The following SWT1 variants were observed in gnomAD, a reference collection of about 807,000 sequenced individuals.
SWT1 encodes the protein transcriptional protein SWT1.
Under a neutral mutation model 107.3 loss-of-function variants are expected in SWT1, and 33 were observed. The ratio of observed to expected loss-of-function variants is 0.31; its 90% CI spans 0.23 to 0.41. The LOEUF is 0.41. Among genes scored for constraint, SWT1 ranks in the 10% least tolerant of loss-of-function variants. The pLI is 1.00. For missense variants in SWT1, 898 were observed against 1,028.9 expected, an observed-to-expected ratio of 0.87 and a Z score of 1.74; for synonymous variants, 345 against 348.3, an observed-to-expected ratio of 0.99 and a Z score of 0.11.
At chr1:185,190,434 C>A in intron 9 of SWT1, 115 bp from the exon 10 acceptor site, 1 of 627,674 alleles carries the variant, frequency 1.6e-6, no homozygotes, top group East Asian at 2.7e-5. Flanking sequence ...AGTATCATAC[C>A]TTAACTACCT....
intron 16 of SWT1, among the ~76,000 whole-genome samples, chr1:185,247,962 TA>T (rs1464272279): frequency 6.6e-6 from 1 of 152,212 alleles, no homozygotes; most frequent in Admixed American, 6.5e-5. Context: ...TTCCTTTTCC[TA>T]AATTAATAGT....
At chr1:185,184,392 ATATTT>A (rs779458486) in intron 8 of SWT1, 48 bp downstream of exon 8, 1 of 1,097,886 alleles carries the variant, frequency 9.1e-7, no homozygotes, top group Non-Finnish European at 1.3e-6. Context: ...CCTTGAGTTG[ATATTT>A]TATATTAACA....
chr1:185,259,148 C>T (rs907475828), intron 16 of SWT1, among the ~76,000 whole-genome samples: 1 of 151,942 alleles, frequency 6.6e-6, no homozygotes, highest in Non-Finnish European at 1.5e-5. Context: ...TTCTTTTCAC[C>T]CTTTTTACCT....
chr1:185,218,279 A>C (rs1268317079), intron 14 of SWT1, among the ~76,000 whole-genome samples: 1 of 152,192 alleles, frequency 6.6e-6, no homozygotes, highest in East Asian at 1.9e-4. Context: ...TGAGAAACTA[A>C]AATGGAGATA....
chr1:185,168,374 TA>T lies in SWT1; in HGVS notation c.205del (p.Arg69GlufsTer5). 2 of 1,385,766 alleles carry T rather than the reference TA, an allele frequency of 1.4e-6. No individual in the cohort carries two copies. The highest frequency in any genetic ancestry group is 2.6e-5 in the Admixed American group (1 of 37,802). 85.8% of individuals were successfully genotyped at this position (1,385,766 alleles called of 1,614,324 possible). On this transcript the variant is annotated frameshift_variant, in exon 4 of 19. Transcript: ENST00000367500. LOFTEE classifies it high-confidence loss of function. The part of the protein sequence containing the change: ...SDHTDVLYYN[I>X]KRRQGLKRLS... ...CATACAGATGTTCTGTACTATAATA[TA>T]AAAAGAAGACAAGGACTGAAAAGGT... is the stretch of plus-strand genomic sequence containing the variant.
chr1:185,200,829 G>A (rs1657809264), intron 10 of SWT1, among the ~76,000 whole-genome samples: 2 of 152,204 alleles, frequency 1.3e-5, no homozygotes, highest in Non-Finnish European at 2.9e-5. Context: ...GAACGTTTAA[G>A]TCTGCTGAAA....
At chr1:185,208,660 A>G (rs902929224) in intron 13 of SWT1, among the ~76,000 whole-genome samples, 18 of 152,172 alleles carry the variant, frequency 1.2e-4, no homozygotes, top group African/African-American at 4.1e-4. Context: ...AAGTAAGTCG[A>G]TAAATAAATA....
chr1:185,217,057 A>G (rs961287582), intron 14 of SWT1, among the ~76,000 whole-genome samples: 2 of 152,236 alleles, frequency 1.3e-5, no homozygotes, highest in African/African-American at 4.8e-5. Context: ...AGATTCATGA[A>G]GGCGAGTAGC....
At chr1:185,189,936 C>T (rs1656808482) in intron 9 of SWT1, among the ~76,000 whole-genome samples, 1 of 151,618 alleles carries the variant, frequency 6.6e-6, no homozygotes, top group African/African-American at 2.4e-5. Context: ...GCAACCTCTG[C>T]CTCCCAGGTT....
intron 16 of SWT1, among the ~76,000 whole-genome samples, chr1:185,267,657 A>G (rs1214877495): frequency 6.6e-6 from 1 of 152,208 alleles, no homozygotes; most frequent in Admixed American, 6.5e-5. Context: ...TATGCATTTA[A>G]TATATACTTA....
At chr1:185,281,385 G>C (rs528029212) in intron 18 of SWT1, 1 of 236,206 alleles carries the variant, frequency 4.2e-6, no homozygotes, top group Non-Finnish European at 8.6e-6. Flanking sequence ...AGCAGAGGAA[G>C]CTGAGGAAGT....
At chr1:185,222,121 G>A (rs1253624283) in intron 15 of SWT1, 85 bp downstream of exon 15, 1 of 912,050 alleles carries the variant, frequency 1.1e-6, no homozygotes, top group Non-Finnish European at 1.5e-6. Flanking sequence ...AATTTGATGT[G>A]CAATTTGACG....
Position 185,271,314 on chromosome 1 carries a change from A to AT in SWT1, c.2442-3dup. Reference sequence around the variant, plus strand: ...TATTCCCCCCCTTTGTTTTTATTTTATTTTTTAGGATTTTGGCCCCAAACA... The same window carrying AT: ...TATTCCCCCCCTTTGTTTTTATTTTATTTTTTTAGGATTTTGGCCCCAAACA... On this transcript the variant is annotated splice_polypyrimidine_tract_variant and intron_variant, in intron 16 of 18. Transcript: ENST00000367500. The AT allele has an allele frequency of 2.1e-6, 3 of 1,453,960 alleles. No homozygotes were observed. Among genetic ancestry groups the AT allele is most frequent in the East Asian group, 2.3e-5 (1 of 43,946 alleles). 90.1% of individuals were successfully genotyped at this position (1,453,960 alleles called of 1,614,324 possible).
chr1:185,215,685 T>G (rs1298956657), intron 14 of SWT1, among the ~76,000 whole-genome samples: 1 of 152,050 alleles, frequency 6.6e-6, no homozygotes, highest in Non-Finnish European at 1.5e-5. Flanking sequence ...TCTACAGGCA[T>G]GGCACCACCA....
chr1:185,219,413 A>T (rs902206965), intron 14 of SWT1, among the ~76,000 whole-genome samples: 1 of 152,226 alleles, frequency 6.6e-6, no homozygotes, highest in East Asian at 1.9e-4. Context: ...GAGAAAGTAC[A>T]TAACAAATGC....
At chr1:185,223,481 A>C (rs555870978) in intron 15 of SWT1, among the ~76,000 whole-genome samples, 1 of 152,226 alleles carries the variant, frequency 6.6e-6, no homozygotes, top group Non-Finnish European at 1.5e-5. Flanking sequence ...GCACCTGGCC[A>C]ACACTTTTCT....
At chr1:185,207,370 G>T (rs931042445) in intron 13 of SWT1, among the ~76,000 whole-genome samples, 2 of 152,164 alleles carry the variant, frequency 1.3e-5, no homozygotes, top group Non-Finnish European at 2.9e-5. Context: ...AAAGATTGAA[G>T]GGGGAGCCCA....
chr1:185,257,154 G>A (rs1173333090), intron 16 of SWT1, among the ~76,000 whole-genome samples: 1 of 152,154 alleles, frequency 6.6e-6, no homozygotes, highest in Non-Finnish European at 1.5e-5. Flanking sequence ...ATCTCCAGCT[G>A]TGTGCTGGGA....
Position 185,184,283 on chromosome 1 carries a change from C to A in SWT1, c.1179C>A (p.Asp393Glu). 1 of 1,573,390 alleles carries A rather than the reference C, an allele frequency of 6.4e-7. No homozygotes were observed. ...TSDRKLLIVI[D>E]TNILMNHLKF... ...ACAGAAAGCTTCTAATTGTTATTGA[C>A]ACAAATATTCTGATGAATCATCTCA... The change falls in exon 8 of 19, where the codon GAC (aspartate) becomes GAA (glutamate). Residue 393 changes from aspartate to glutamate, a missense_variant. By Grantham distance (45) the Asp-to-Glu change is conservative. This residue lies in a region of SWT1 where 94 missense variants were observed against 114.5 expected (regional missense o/e 0.82). Coordinates refer to ENST00000367500, the MANE Select transcript of SWT1 (RefSeq NM_017673.7).
Sources: allele counts gnomAD v4.1 joint callset (sites outside exome capture counted in the v4.1 genomes callset), GRCh38; gene constraint gnomAD v4.1.1; regional missense constraint gnomAD v4.1.1; transcripts MANE v1.5; gene names NCBI Gene and HGNC (gene_info 2026-07-23, HGNC 2026-07-21).